GRID2: variants seen among roughly 807,000 people sequenced by gnomAD.
GRID2 encodes glutamate ionotropic receptor delta type subunit 2.
Under a neutral mutation model 114.8 loss-of-function variants are expected in GRID2, and 33 were observed. The observed-to-expected ratio is 0.29, with a 90% CI of 0.22 to 0.38. GRID2 has a LOEUF of 0.38. Ranked by LOEUF, GRID2 falls within the 10% of genes least tolerant of loss-of-function variation. The probability of loss-of-function intolerance (pLI) is 1.00; values close to 1 mark genes in which losing one functional copy is unlikely to be tolerated. For synonymous variants in GRID2, 505 were observed against 449.9 expected (o/e 1.12, Z -1.55); for missense variants, 1,184 against 1,257.7 (o/e 0.94, Z 0.89).
chr4:93,250,659 A>T (rs922042634), intron 8 of GRID2, among the ~76,000 whole-genome samples: 14 of 143,438 alleles, frequency 9.8e-5, no homozygotes, highest in Non-Finnish European at 7.5e-5. Context: ...TATATATTTT[A>T]TATATTTATA....
chr4:93,314,373 A>G (rs1476789987), intron 8 of GRID2, among the ~76,000 whole-genome samples: 3 of 151,676 alleles, frequency 2.0e-5, no homozygotes, highest in Non-Finnish European at 4.4e-5. Context: ...CCAATGTCCT[A>G]CAAGACCCAA....
intron 2 of GRID2, among the ~76,000 whole-genome samples, chr4:92,933,776 T>G (rs1172859393): frequency 6.6e-6 from 1 of 151,680 alleles, no homozygotes; most frequent in East Asian, 1.9e-4. Flanking sequence ...ATGAAAAATT[T>G]TTCTTTCTTT....
At chr4:93,323,446 G>A (rs1346344438) in intron 8 of GRID2, among the ~76,000 whole-genome samples, 1 of 152,126 alleles carries the variant, frequency 6.6e-6, no homozygotes, top group Non-Finnish European at 1.5e-5. Flanking sequence ...TTTGGTTACT[G>A]TAGCCTTGTA....
At chr4:93,005,004 G>A (rs1480725299) in intron 2 of GRID2, among the ~76,000 whole-genome samples, 9 of 151,826 alleles carry the variant, frequency 5.9e-5, no homozygotes, top group Non-Finnish European at 1.0e-4. Flanking sequence ...ATGATCTAGG[G>A]ACCTAGCCTT....
At chr4:93,333,546 C>A (rs1433742924) in intron 8 of GRID2, among the ~76,000 whole-genome samples, 1 of 152,170 alleles carries the variant, frequency 6.6e-6, no homozygotes. Flanking sequence ...CAAAGAACCC[C>A]TGTCATACAG....
intron 12 of GRID2, among the ~76,000 whole-genome samples, chr4:93,512,807 T>G (rs995840198): frequency 5.9e-5 from 9 of 152,202 alleles, no homozygotes; most frequent in African/African-American, 2.2e-4. Context: ...ATTAAAACTC[T>G]ATATTTTCAG....
chr4:93,125,399 A>C (rs1329890700), intron 4 of GRID2, among the ~76,000 whole-genome samples: 1 of 151,946 alleles, frequency 6.6e-6, no homozygotes, highest in African/African-American at 2.4e-5. Context: ...CATAATATTT[A>C]TATATGTTAT....
At chr4:93,532,328 A>C (rs1731529664) in intron 13 of GRID2, among the ~76,000 whole-genome samples, 1 of 152,148 alleles carries the variant, frequency 6.6e-6, no homozygotes, top group South Asian at 2.1e-4. Context: ...TCCAGGAAAG[A>C]GTAGCTACTC....
chr4:93,028,065 C>G (rs1028436509), intron 2 of GRID2, among the ~76,000 whole-genome samples: 1 of 152,100 alleles, frequency 6.6e-6, no homozygotes, highest in Admixed American at 6.6e-5. Flanking sequence ...TATTCAGTCT[C>G]TTCTTGATTT....
intron 14 of GRID2, among the ~76,000 whole-genome samples, chr4:93,682,637 T>C (rs1210109999): frequency 1.3e-4 from 20 of 152,068 alleles, no homozygotes; most frequent in Admixed American, 9.8e-4. Context: ...TGTAGGGACA[T>C]GGATGAAATT....
chr4:93,590,115 T>G (rs1437307570), intron 13 of GRID2, among the ~76,000 whole-genome samples: 1 of 150,266 alleles, frequency 6.7e-6, no homozygotes, highest in Non-Finnish European at 1.5e-5. Context: ...GTTTTAGACA[T>G]GAAGTCCTTG....
chr4:92,905,319 A>G (rs17019991), intron 2 of GRID2, among the ~76,000 whole-genome samples: 2,883 of 149,682 alleles, frequency 0.019, 35 homozygotes, highest in East Asian at 0.054. Flanking sequence ...AAGTTCCTAA[A>G]GTCTTTAACT....
At chr4:93,566,706 G>A (rs1446121790) in intron 13 of GRID2, among the ~76,000 whole-genome samples, 1 of 152,080 alleles carries the variant, frequency 6.6e-6, no homozygotes, top group East Asian at 1.9e-4. Flanking sequence ...GGAGATGGGG[G>A]TTGCAGTGAG....
At chr4:92,772,834 GCA>G (rs1159380644) in intron 2 of GRID2, among the ~76,000 whole-genome samples, 2 of 152,136 alleles carry the variant, frequency 1.3e-5, no homozygotes, top group South Asian at 2.1e-4. Context: ...ATGGTGAATA[GCA>G]CAGTTTTACT....
intron 8 of GRID2, among the ~76,000 whole-genome samples, chr4:93,261,114 C>G (rs1445311732): frequency 6.6e-6 from 1 of 151,664 alleles, no homozygotes; most frequent in African/African-American, 2.4e-5. Context: ...AGATCTTTCT[C>G]CAACTTTAGT....
At chr4:93,604,593 A>G (rs1740016652) in intron 13 of GRID2, among the ~76,000 whole-genome samples, 1 of 152,226 alleles carries the variant, frequency 6.6e-6, no homozygotes, top group Non-Finnish European at 1.5e-5. Context: ...TCTGGGTAAA[A>G]TACTGTCTAA....
intron 14 of GRID2, among the ~76,000 whole-genome samples, chr4:93,768,350 C>T (rs1733841485): frequency 1.3e-5 from 2 of 152,162 alleles, no homozygotes; most frequent in South Asian, 4.1e-4. Flanking sequence ...GGAGGAGGGC[C>T]ACATCTAGGC....
At chr4:93,249,806 T>C (rs1748643073) in intron 8 of GRID2, among the ~76,000 whole-genome samples, 1 of 151,870 alleles carries the variant, frequency 6.6e-6, no homozygotes, top group East Asian at 1.9e-4. Context: ...TACCATCTCA[T>C]GCCCGTTAGA....
intron 2 of GRID2, among the ~76,000 whole-genome samples, chr4:92,597,193 A>G (rs1315297992): frequency 1.3e-5 from 2 of 152,088 alleles, no homozygotes; most frequent in Admixed American, 1.3e-4. Context: ...ACTTACAATC[A>G]TGGCAGAAGG....
Sources: allele counts gnomAD v4.1 joint callset (sites outside exome capture counted in the v4.1 genomes callset), GRCh38; gene constraint gnomAD v4.1.1; transcripts MANE v1.5; gene names NCBI Gene and HGNC (gene_info 2026-07-23, HGNC 2026-07-21).